ERCC1: variants seen among roughly 807,000 people sequenced by gnomAD.
ERCC1 encodes ERCC excision repair 1, endonuclease non-catalytic subunit.
ERCC1 carries 36 observed loss-of-function variants against 37.6 expected under a neutral mutation model. That is an observed-to-expected ratio of 0.96 (90% CI 0.73 to 1.26). The LOEUF is 1.26. Among genes scored for constraint, ERCC1 ranks in the 50% most tolerant of loss-of-function variants. ERCC1 has a pLI of 0.00. For missense variants in ERCC1, 349 were observed against 376.5 expected (o/e 0.93, Z 0.60); for synonymous variants, 156 against 162.1 (o/e 0.96, Z 0.28).
At chr19:45,412,933 G>A (rs1360286146) in intron 9 of ERCC1, among the ~76,000 whole-genome samples, 2 of 151,866 alleles carry the variant, frequency 1.3e-5, no homozygotes, top group Admixed American at 1.3e-4. Context: ...TAAAGATGGG[G>A]TGTCTCCATG....
At chr19:45,423,990 C>G (rs1346720213), upstream of ERCC1, 4 of 1,058,216 alleles carry the variant, frequency 3.8e-6, no homozygotes, top group Non-Finnish European at 4.6e-6. Flanking sequence ...CTCTATGGTT[C>G]TGGAGGACCG....
intron 9 of ERCC1, among the ~76,000 whole-genome samples, chr19:45,411,236 G>T (rs187641167): frequency 8.5e-5 from 13 of 152,278 alleles, no homozygotes; most frequent in Non-Finnish European, 1.6e-4. Context: ...TTGGCAATGT[G>T]AACTGTGCTG....
chr19:45,408,751 C>G lies in ERCC1; in HGVS notation c.*924G>C, dbSNP rs1317761990. Reference sequence around the variant, plus strand: ...GGAAGAAGCCCAAAGGGAAAGAAACCTTCGAGCCAGAAGACAAGACAGTGA... The same window carrying G: ...GGAAGAAGCCCAAAGGGAAAGAAACGTTCGAGCCAGAAGACAAGACAGTGA... On this transcript the variant is annotated 3_prime_UTR_variant, in exon 10 of 10. Transcript: ENST00000300853. 6.2e-7 allele frequency: 1 copy of G among 1,613,670 alleles called. No individual in the cohort carries two copies. Among genetic ancestry groups the G allele is most frequent in the Non-Finnish European group, 8.5e-7 (1 of 1,179,968 alleles).
intron 1 of ERCC1, among the ~76,000 whole-genome samples, chr19:45,447,923 G>A (rs1013146889): frequency 2.0e-5 from 3 of 151,258 alleles, no homozygotes; most frequent in Non-Finnish European, 4.4e-5. Flanking sequence ...CCAGGCTGGA[G>A]TGCAGTGGCA....
At position 45,421,317 on chromosome 19, in the gene ERCC1, G is replaced by C. The variant is rs1362623672; in HGVS notation, c.182C>G (p.Ala61Gly). Reference protein sequence around the residue: ...TSAQAAPQTYAEYAISQPLEG... With the variant: ...TSAQAAPQTYGEYAISQPLEG... ...CAGAGGCTGTGAGATGGCATATTCG[G>C]CGTAGGTCTGAGGGGCCGCCTGGGC... is the stretch of plus-strand genomic sequence containing the variant. The change falls in exon 3 of 10, where the codon GCC (alanine) becomes GGC (glycine). Residue 61 changes from alanine (A) to glycine (G), a missense_variant. Physicochemically the swap from Ala to Gly is moderately conservative, Grantham distance 60. Transcript: ENST00000300853. 1.2e-6 allele frequency: 2 copies of C among 1,614,026 alleles called. No homozygotes were observed. The highest frequency in any genetic ancestry group is 2.7e-5 in the African/African-American group (2 of 74,930).
intron 7 of ERCC1, chr19:45,414,449 C>T (rs1973928046): frequency 5.8e-6 from 2 of 342,028 alleles, no homozygotes; most frequent in African/African-American, 2.1e-5. Context: ...TGCACTCCAG[C>T]CTGGGCAAGA....
At chr19:45,428,461 C>T (rs1045518465), upstream of ERCC1, among the ~76,000 whole-genome samples, 10 of 152,266 alleles carry the variant, frequency 6.6e-5, no homozygotes, top group African/African-American at 2.4e-4. Context: ...CCCAGAGTTG[C>T]GCGTTCGAAT....
At chr19:45,451,413 A>T (rs1431403650) in intron 1 of ERCC1, among the ~76,000 whole-genome samples, 1 of 152,102 alleles carries the variant, frequency 6.6e-6, no homozygotes, top group African/African-American at 2.4e-5. Flanking sequence ...CAATCTGTTC[A>T]CACTCAAGCC....
At position 45,408,515 on chromosome 19, in the gene ERCC1, G is replaced by C. The variant is rs755298755; in HGVS notation, c.*1160C>G. 3 of 1,614,074 alleles carry C rather than the reference G, an allele frequency of 1.9e-6. No individual in the cohort carries two copies. Among genetic ancestry groups the C allele is most frequent in the Non-Finnish European group, 2.5e-6 (3 of 1,179,984 alleles). On this transcript the variant is annotated 3_prime_UTR_variant, in exon 10 of 10. Coordinates refer to ENST00000300853, the MANE Select transcript of ERCC1 (RefSeq NM_001983.4). ...GAAGAAAAAGGAGATGCAGGTGACA[G>C]AGGCCCCAGTCACTCAGGAGGCAGT...
chr19:45,429,847 T>C lies in ERCC1; in HGVS notation c.-7-6466A>G, dbSNP rs147406705. ...TCACCCAGGCTGTAGTGCAGTGGCA[T>C]GATCACGATTCACTGCAACTTCCGC... On this transcript the variant is annotated intron_variant, in intron 1 of 8. Transcript: ENST00000423698. Among the ~76,000 whole-genome samples, 1,169 of 152,246 alleles carry C rather than the reference T, an allele frequency of 7.7e-3. 22 individuals carry two copies. The highest frequency in any genetic ancestry group is 0.027 in the African/African-American group (1,115 of 41,546).
chr19:45,443,407 G>A (rs1975170486), intron 1 of ERCC1, among the ~76,000 whole-genome samples: 1 of 152,186 alleles, frequency 6.6e-6, no homozygotes. Flanking sequence ...TCATTGGGCT[G>A]CTTCAACCAA....
chr19:45,421,108 T>C (rs1974388990), intron 3 of ERCC1, 70 bp downstream of exon 3: 1 of 1,320,938 alleles, frequency 7.6e-7, no homozygotes, highest in Non-Finnish European at 1.1e-6. Flanking sequence ...CTCCTTGCAC[T>C]GGAGTCATCC....
chr19:45,421,192 C>T lies in ERCC1; in HGVS notation c.307G>A (p.Val103Met), dbSNP rs1223997860. ...TCCCTCCTCACCTGCCGAGGGCTCA[C>T]AATGATGCTGTTGGATTTTGCCCCG... is the stretch of plus-strand genomic sequence containing the variant. The part of the protein sequence containing the change: ...KPGAKSNSII[V>M]SPRQRGNPVL... Residue 103 changes from valine (V) to methionine (M), a missense_variant, in exon 3 of 10, where the codon GTG (valine) becomes ATG (methionine). Val to Met is a conservative substitution (Grantham distance 21). Transcript: ENST00000300853. 6.2e-7 allele frequency: 1 copy of T among 1,614,154 alleles called. No individual in the cohort carries two copies. The highest frequency in any genetic ancestry group is 1.1e-5 in the South Asian group (1 of 91,078).
At chr19:45,438,060 A>G (rs1321402244) in intron 1 of ERCC1, among the ~76,000 whole-genome samples, 3 of 152,042 alleles carry the variant, frequency 2.0e-5, no homozygotes, top group Admixed American at 1.3e-4. Flanking sequence ...GGCGTGTGAG[A>G]CCACGCCCAG....
intron 1 of ERCC1, among the ~76,000 whole-genome samples, chr19:45,445,761 G>A (rs1250117197): frequency 6.6e-6 from 1 of 152,196 alleles, no homozygotes; most frequent in African/African-American, 2.4e-5. Context: ...AGAGGTCAGA[G>A]AGACTAAGGG....
chr19:45,429,314 G>T (rs557229611), intron 1 of ERCC1: 7 of 152,244 alleles, frequency 4.6e-5, no homozygotes, highest in Admixed American at 1.3e-4. Context: ...CACAAAATTA[G>T]CCAGGCGTGG....
intron 1 of ERCC1, among the ~76,000 whole-genome samples, chr19:45,435,107 C>CG (rs1342622618): frequency 2.6e-5 from 4 of 152,054 alleles, no homozygotes; most frequent in Non-Finnish European, 5.9e-5. Context: ...TTAGTAGAGA[C>CG]GGGGTTTCCC....
Position 45,413,662 on chromosome 19 carries a change from T to A in ERCC1, c.843+15A>T. ...CCTTCCCCCAACTCCTTGGGTTCTT[T>A]CCCAGAGCTCTTACTTTCTGAGGGC... On this transcript the variant is annotated intron_variant, in intron 9 of 9. Transcript: ENST00000300853. 6.2e-7 allele frequency: 1 copy of A among 1,614,198 alleles called. No homozygotes were observed. Among genetic ancestry groups the A allele is most frequent in the Middle Eastern group, 1.7e-4 (1 of 6,052 alleles).
chr19:45,418,957 T>C (rs965179996), intron 5 of ERCC1, 141 bp downstream of exon 5: 3 of 700,692 alleles, frequency 4.3e-6, no homozygotes, highest in East Asian at 2.7e-5. Flanking sequence ...CAACATAATG[T>C]CTTGGTGACC....
Sources: allele counts gnomAD v4.1 joint callset (sites outside exome capture counted in the v4.1 genomes callset), GRCh38; gene constraint gnomAD v4.1.1; transcripts MANE v1.5; gene names NCBI Gene and HGNC (gene_info 2026-07-23, HGNC 2026-07-21).